Variants in PAK4 observed in about 807,000 individuals in gnomAD.
The protein encoded by PAK4 is serine/threonine-protein kinase PAK 4.
Under a neutral mutation model 53.5 loss-of-function variants are expected in PAK4, and 49 were observed. The ratio of observed to expected loss-of-function variants is 0.92; its 90% confidence interval spans 0.73 to 1.16. The LOEUF (loss-of-function observed/expected upper bound fraction) is 1.16, where lower values mean the gene tolerates loss of function less well. PAK4 is among the 50% of genes most tolerant of loss of function. PAK4 has a pLI of 0.00. For synonymous variants in PAK4, 376 were observed against 375.6 expected, an observed-to-expected ratio of 1.00 and a Z score of -0.01; for missense variants, 824 against 850.7, an observed-to-expected ratio of 0.97 and a Z score of 0.39.
rs780808053 is a variant in PAK4 at position 39,173,874 on chromosome 19, T to G, written c.962T>G (p.Leu321Arg). 1.2e-6 allele frequency: 2 copies of G among 1,612,734 alleles called. No homozygotes were observed. The highest frequency in any genetic ancestry group is 1.1e-5 in the South Asian group (1 of 91,038). ...GACCCAGGCGACCCCCGCTCCTACC[T>G]GGACAACTTCATCAAGATTGGCGAG... The change falls in exon 4 of 9, where the codon CTG becomes CGG. Residue 321 changes from leucine to arginine, a missense_variant. Around this residue, in one of 2 missense-constraint regions of PAK4, gnomAD observed 346 missense variants for 415.0 expected, o/e 0.83. Transcript: ENST00000358301. This position sits in a 1 kb window ranked among gnomAD's most constrained non-coding sequence, Gnocchi z 6.9.
intron 1 of PAK4, among the ~76,000 whole-genome samples, chr19:39,167,210 C>T (rs1298123371): frequency 6.6e-6 from 1 of 152,190 alleles, no homozygotes; most frequent in Non-Finnish European, 1.5e-5. Context: ...CTGCCTAGTG[C>T]CCCGCAGTGG....
rs34569811 is a variant in PAK4, at chr19:39,178,465, G to A, written c.1662G>A (p.Val554=). The change falls in exon 9 of 9, where the codon GTG becomes GTA. Residue 554 remains valine (V), a synonymous_variant. Coordinates refer to ENST00000358301, the Ensembl canonical transcript of PAK4. The surrounding 1 kb of genome is among the most constrained non-coding windows in gnomAD (Gnocchi z 4.4). ...AGGGCTTCCTGGACCGCCTGCTGGT[G>A]CGAGACCCTGCCCAGCGGGCCACGG... The A allele has an allele frequency of 1.2e-6, 2 of 1,603,848 alleles. No individual in the cohort carries two copies. Among genetic ancestry groups the A allele is most frequent in the South Asian group, 1.1e-5 (1 of 89,284 alleles).
chr19:39,131,116 A>G lies in PAK4; in HGVS notation c.-23+5197A>G, dbSNP rs375894646. ...GCCCAGAGAGGTACGGGACTTGCTT[A>G]AGGTCACACAGCAGGCAGTGGCAGA... On this transcript the variant is annotated intron_variant, in intron 1 of 8. Coordinates refer to ENST00000358301, the Ensembl canonical transcript of PAK4. Among the ~76,000 whole-genome samples, 3 of 152,268 alleles carry G rather than the reference A, an allele frequency of 2.0e-5. 1 individual carries two copies. The highest frequency in any genetic ancestry group is 7.2e-5 in the African/African-American group (3 of 41,558).
intron 7 of PAK4, among the ~76,000 whole-genome samples, 159 bp downstream of exon 8, chr19:39,176,874 CT>C (rs34636072): frequency 8.2e-4 from 120 of 146,598 alleles, no homozygotes; most frequent in Admixed American, 8.9e-4. Context: ...ATTCATTCTT[CT>C]TTTTTTTTTT....
rs186002477 is a variant in PAK4, at chr19:39,149,768, A to G, written c.-22-19764A>G. ...CTACATGGAAGGCTGAGGCATGAGA[A>G]TGGCTAGAACCCGGGAGGCGGAGGT... On this transcript the variant is annotated intron_variant, in intron 1 of 8. Transcript: ENST00000358301. 1.5e-3 allele frequency among the ~76,000 whole-genome samples: 231 copies of G among 152,320 alleles called. 1 individual carries two copies. The highest frequency in any genetic ancestry group is 5.2e-3 in the African/African-American group (216 of 41,584).
intron 1 of PAK4, among the ~76,000 whole-genome samples, chr19:39,127,617 G>A (rs951733133): frequency 6.6e-6 from 1 of 152,146 alleles, no homozygotes; most frequent in Non-Finnish European, 1.5e-5. Context: ...CGGGTGCTGG[G>A]AGTGTGGCAG....
intron 1 of PAK4, among the ~76,000 whole-genome samples, chr19:39,144,926 CAT>C (rs1485420543): frequency 4.6e-5 from 7 of 152,142 alleles, no homozygotes; most frequent in African/African-American, 7.2e-5. Context: ...TAAAATCTGA[CAT>C]GTGTACAGAA....
intron 1 of PAK4, among the ~76,000 whole-genome samples, chr19:39,134,313 A>G (rs145549337): frequency 2.0e-4 from 30 of 152,398 alleles, no homozygotes; most frequent in Non-Finnish European, 2.4e-4. Flanking sequence ...CGGTAAAGAC[A>G]GAACACAACC....
At position 39,173,852 on chromosome 19, in the gene PAK4, C is replaced by G. The variant is rs2074543902; in HGVS notation, c.940C>G (p.Pro314Ala). 11 of 1,612,424 alleles carry G rather than the reference C, an allele frequency of 6.8e-6. No individual in the cohort carries two copies. The highest frequency in any genetic ancestry group is 1.3e-5 in the African/African-American group (1 of 74,830). The stretch of plus-strand genomic sequence containing the variant: ...GGCTGCCCTGCAGCTGGTGGTGGAC[C>G]CAGGCGACCCCCGCTCCTACCTGGA... Residue 314 changes from proline (P) to alanine (A), a missense_variant, in exon 4 of 9, where the codon CCA (proline) becomes GCA (alanine). Physicochemically the swap from Pro to Ala is conservative, Grantham distance 27. Transcript: ENST00000358301. The surrounding 1 kb of genome is among the most constrained non-coding windows in gnomAD (Gnocchi z 6.9).
chr19:39,162,730 G>A (rs2074305067), intron 1 of PAK4, among the ~76,000 whole-genome samples: 1 of 152,184 alleles, frequency 6.6e-6, no homozygotes, highest in Admixed American at 6.5e-5. Context: ...GTGCTGCGAG[G>A]ACAGGGATGT....
intron 1 of PAK4, chr19:39,168,636 G>C (rs2074419024): frequency 6.6e-6 from 1 of 152,260 alleles, no homozygotes; most frequent in African/African-American, 2.4e-5. Flanking sequence ...CTCTCTATGG[G>C]ATGCCGCCAT....
intron 1 of PAK4, among the ~76,000 whole-genome samples, chr19:39,151,326 C>G (rs1207157030): frequency 6.6e-6 from 1 of 152,204 alleles, no homozygotes; most frequent in Non-Finnish European, 1.5e-5. Flanking sequence ...GGGGGCCACA[C>G]CTCACATATC....
At chr19:39,145,969 A>G (rs1396698387) in intron 1 of PAK4, among the ~76,000 whole-genome samples, 1 of 152,028 alleles carries the variant, frequency 6.6e-6, no homozygotes, top group African/African-American at 2.4e-5. Context: ...CCCCTGCCCC[A>G]CCTCTGTTGG....
At chr19:39,167,730 G>T (rs1600388561) in intron 1 of PAK4, among the ~76,000 whole-genome samples, 2 of 152,140 alleles carry the variant, frequency 1.3e-5, no homozygotes, top group East Asian at 3.9e-4. Flanking sequence ...CCCCTGGCTG[G>T]CTCCCATGGA....
chr19:39,141,072 A>AAGT (rs2073900708), intron 1 of PAK4, among the ~76,000 whole-genome samples: 1 of 152,176 alleles, frequency 6.6e-6, no homozygotes, highest in Non-Finnish European at 1.5e-5. Flanking sequence ...CTTTGGTAAA[A>AAGT]TGTTGAACAC....
chr19:39,154,102 G>A (rs556676266), intron 1 of PAK4, among the ~76,000 whole-genome samples: 4 of 152,132 alleles, frequency 2.6e-5, no homozygotes, highest in South Asian at 4.2e-4. Context: ...TATCATGTGC[G>A]GTGCCATGGA....
At chr19:39,170,962 C>A (rs1024594824) in intron 2 of PAK4, among the ~76,000 whole-genome samples, 1 of 152,220 alleles carries the variant, frequency 6.6e-6, no homozygotes, top group East Asian at 1.9e-4. Flanking sequence ...CTCAGCTCCA[C>A]GCCCTGCCTG....
intron 1 of PAK4, among the ~76,000 whole-genome samples, chr19:39,157,305 C>T (rs914534164): frequency 6.6e-6 from 1 of 152,032 alleles, no homozygotes; most frequent in African/African-American, 2.4e-5. Context: ...GGCTTTCCCT[C>T]GAAGTCATGG....
At position 39,161,480 on chromosome 19, in the gene PAK4, C is replaced by T. The variant is rs1362435329; in HGVS notation, c.-22-8052C>T. On this transcript the variant is annotated intron_variant, in intron 1 of 8. Coordinates refer to ENST00000358301, the Ensembl canonical transcript of PAK4. This position sits in a 1 kb window ranked among gnomAD's most constrained non-coding sequence, Gnocchi z 4.5. ...CAGTGTGCCCAGAACCTGCTCATGC[C>T]GCCCCCTCTGCAGCCCCCACAAGGT... Among the ~76,000 whole-genome samples the T allele has an allele frequency of 5.9e-5, 9 of 152,090 alleles. No individual in the cohort carries two copies. The highest frequency in any genetic ancestry group is 1.2e-4 in the African/African-American group (5 of 41,412).
Sources: allele counts gnomAD v4.1 joint callset (sites outside exome capture counted in the v4.1 genomes callset), GRCh38; gene constraint gnomAD v4.1.1; regional missense constraint gnomAD v4.1.1; non-coding constraint Gnocchi (gnomAD v3.1); transcripts MANE v1.5; gene names NCBI Gene and HGNC (gene_info 2026-07-23, HGNC 2026-07-21).